CALN1: variants seen among roughly 807,000 people sequenced by gnomAD.
CALN1 encodes calcium-binding protein 8.
CALN1 carries 17 observed loss-of-function variants against 30.6 expected under a neutral mutation model. The ratio of observed to expected loss-of-function variants is 0.56; its 90% CI spans 0.38 to 0.83. The LOEUF is 0.83. Among genes scored for constraint, CALN1 ranks in the 40% least tolerant of loss-of-function variants. The pLI, the probability that CALN1 is intolerant of heterozygous loss-of-function variation, is 0.00. For synonymous variants in CALN1, 156 were observed against 131.4 expected (o/e 1.19, Z -1.28); for missense variants, 291 against 354.9 (o/e 0.82, Z 1.45).
At chr7:71,842,634 G>C (rs181172380) in intron 5 of CALN1, among the ~76,000 whole-genome samples, 1 of 152,164 alleles carries the variant, frequency 6.6e-6, no homozygotes, top group South Asian at 2.1e-4. Context: ...CATTTGCAAC[G>C]TTCACCGATG....
chr7:71,907,623 C>A (rs966214023), intron 5 of CALN1, among the ~76,000 whole-genome samples: 1 of 152,176 alleles, frequency 6.6e-6, no homozygotes, highest in African/African-American at 2.4e-5. Flanking sequence ...AGCGATAATA[C>A]CTACTTTGCT....
chr7:72,328,523 T>C (rs547817860), intron 2 of CALN1, among the ~76,000 whole-genome samples: 1 of 152,332 alleles, frequency 6.6e-6, no homozygotes, highest in East Asian at 1.9e-4. Flanking sequence ...CTCAGGTATG[T>C]CTTTATTAGC....
chr7:72,271,783 C>T (rs1208343316), intron 3 of CALN1, among the ~76,000 whole-genome samples: 1 of 151,302 alleles, frequency 6.6e-6, no homozygotes, highest in East Asian at 1.9e-4. Flanking sequence ...GTCATCTAGG[C>T]CAGTCATGGT....
the CALN1 span, among the ~76,000 whole-genome samples, chr7:72,462,755 G>A: frequency 3.3e-5 from 5 of 152,200 alleles, no homozygotes; most frequent in Non-Finnish European, 7.3e-5. Context: ...CAGTGTCTGT[G>A]GAAGAGGAGA....
At chr7:71,812,926 CATCATT>C (rs1477785109) in intron 5 of CALN1, among the ~76,000 whole-genome samples, 155 of 94,378 alleles carry the variant, frequency 1.6e-3, no homozygotes, top group African/African-American at 4.4e-3. Flanking sequence ...TTATCATCAT[CATCATT>C]ATTATTATTA....
intron 3 of CALN1, among the ~76,000 whole-genome samples, chr7:72,212,416 G>A (rs1043305571): frequency 1.3e-4 from 19 of 151,316 alleles, no homozygotes; most frequent in African/African-American, 2.9e-4. Flanking sequence ...TGGAAGAACT[G>A]AAGGACTATG....
chr7:72,004,313 G>A (rs1231950486), intron 5 of CALN1, among the ~76,000 whole-genome samples: 2 of 152,112 alleles, frequency 1.3e-5, no homozygotes, highest in East Asian at 3.8e-4. Flanking sequence ...ATGATGCTGG[G>A]GTAAGTGGAT....
chr7:72,241,193 T>C (rs1794804104), intron 3 of CALN1, among the ~76,000 whole-genome samples: 1 of 152,232 alleles, frequency 6.6e-6, no homozygotes, highest in African/African-American at 2.4e-5. Context: ...AGAGTCTGTT[T>C]TGCACAATGA....
intron 4 of CALN1, among the ~76,000 whole-genome samples, chr7:72,052,783 T>C (rs770339095): frequency 6.6e-5 from 10 of 152,154 alleles, no homozygotes; most frequent in Non-Finnish European, 1.0e-4. Flanking sequence ...CAATGAGCCT[T>C]TGAAGCACTT....
At chr7:72,238,156 G>A (rs1013686915) in intron 3 of CALN1, among the ~76,000 whole-genome samples, 2 of 152,102 alleles carry the variant, frequency 1.3e-5, no homozygotes, top group Non-Finnish European at 2.9e-5. Flanking sequence ...TGTTGCTCAG[G>A]AATAATACTC....
the CALN1 span, among the ~76,000 whole-genome samples, chr7:72,472,597 C>G: frequency 4.0e-5 from 6 of 148,616 alleles, no homozygotes; most frequent in African/African-American, 1.6e-4. Context: ...CCAGCGTGAC[C>G]AACACGGTGA....
rs550716178 is a variant in CALN1, at chr7:72,147,379, T to G, written c.245-41085A>C. Among the ~76,000 whole-genome samples the G allele has an allele frequency of 1.6e-3, 242 of 151,982 alleles. 2 individuals are homozygous for G. The highest frequency in any genetic ancestry group is 5.3e-3 in the African/African-American group (219 of 41,364). On this transcript the variant is annotated intron_variant, in intron 3 of 6. Transcript: ENST00000395275. ...ACATGAAAAAAATGCTCATCATCACTGGCCATCAGAGAAATGCAAATCAAA... is the reference window on the plus strand; with the variant it reads ...ACATGAAAAAAATGCTCATCATCACGGGCCATCAGAGAAATGCAAATCAAA...
intron 5 of CALN1, among the ~76,000 whole-genome samples, chr7:71,843,512 A>G (rs143944618): frequency 6.6e-6 from 1 of 152,248 alleles, no homozygotes; most frequent in Non-Finnish European, 1.5e-5. Flanking sequence ...AGTCACAGCT[A>G]CTTGAAAGGC....
intron 2 of CALN1, among the ~76,000 whole-genome samples, chr7:72,318,478 A>G (rs1356295561): frequency 1.3e-5 from 2 of 152,184 alleles, no homozygotes; most frequent in Non-Finnish European, 2.9e-5. Flanking sequence ...GGTGTCCAGG[A>G]GTTATGATGA....
At chr7:72,089,275 TTA>T in intron 4 of CALN1, among the ~76,000 whole-genome samples, 1 of 152,186 alleles carries the variant, frequency 6.6e-6, no homozygotes, top group South Asian at 2.1e-4. Flanking sequence ...ACAAAAAATT[TTA>T]CGGCCATCAC....
At chr7:71,818,571 T>A (rs1302717151) in intron 5 of CALN1, among the ~76,000 whole-genome samples, 1 of 152,158 alleles carries the variant, frequency 6.6e-6, no homozygotes, top group Non-Finnish European at 1.5e-5. Flanking sequence ...GGTCTCACTA[T>A]GTTGCCCAGG....
chr7:72,094,231 T>C (rs976383086), intron 4 of CALN1, among the ~76,000 whole-genome samples: 1 of 152,174 alleles, frequency 6.6e-6, no homozygotes, highest in South Asian at 2.1e-4. Flanking sequence ...CACTGTAATA[T>C]TGGATGAGGC....
intron 4 of CALN1, among the ~76,000 whole-genome samples, chr7:72,098,621 T>C (rs111787789): frequency 0.019 from 2,908 of 151,986 alleles, 96 homozygotes; most frequent in African/African-American, 0.066. Flanking sequence ...GGTGGGAGGA[T>C]AGCTTGAAAC....
intron 4 of CALN1, among the ~76,000 whole-genome samples, chr7:72,090,463 TGA>T (rs1554437245): frequency 6.6e-6 from 1 of 152,168 alleles, no homozygotes; most frequent in Non-Finnish European, 1.5e-5. Flanking sequence ...TATTAAAATT[TGA>T]GAGATATTAC....
Sources: allele counts gnomAD v4.1 joint callset (sites outside exome capture counted in the v4.1 genomes callset), GRCh38; gene constraint gnomAD v4.1.1; transcripts MANE v1.5; gene names NCBI Gene and HGNC (gene_info 2026-07-23, HGNC 2026-07-21).